GRIN1: variants seen among roughly 807,000 people sequenced by gnomAD.
GRIN1 encodes glutamate ionotropic receptor NMDA type subunit 1.
A neutral mutation model predicts 103.0 loss-of-function variants in GRIN1; 38 were observed. The observed-to-expected ratio is 0.37, with a 90% CI of 0.28 to 0.48. The LOEUF is 0.48. Among genes scored for constraint, GRIN1 ranks in the 20% least tolerant of loss-of-function variants. The probability of loss-of-function intolerance (pLI) is 0.98; values close to 1 mark genes in which losing one functional copy is unlikely to be tolerated. For synonymous variants in GRIN1, 544 were observed against 532.7 expected (o/e 1.02, Z -0.29); for missense variants, 577 against 1,288.9 (o/e 0.45, Z 8.46).
chr9:137,165,350 G>T, intron 19 of GRIN1, 54 bp downstream of exon 19: 2 of 1,102,702 alleles, frequency 1.8e-6, no homozygotes, highest in Non-Finnish European at 1.4e-6. Context: ...CCTGCCCTGC[G>T]TGTGTCTCCC....
chr9:137,157,484 C>G (rs1450045855), intron 6 of GRIN1, among the ~76,000 whole-genome samples: 1 of 152,170 alleles, frequency 6.6e-6, no homozygotes, highest in Non-Finnish European at 1.5e-5. Context: ...TGCAGCCCAC[C>G]CTGAAACAGC....
chr9:137,149,026 G>A lies in GRIN1; in HGVS notation c.588G>A (p.Gln196=), dbSNP rs75484994. The change falls in exon 4 of 20, where the codon CAG becomes CAA. Residue 196 remains glutamine (Q), a synonymous_variant. Transcript: ENST00000371561. ...CACCGCAGGCAGAGAAGGTGCTGCA[G>A]TTTGACCCAGGGACCAAGAACGTGA... The part of the protein sequence containing the change: ...ERESKAEKVL[Q]FDPGTKNVTA... 1.9e-6 allele frequency: 3 copies of A among 1,613,140 alleles called. No individual in the cohort carries two copies. In the South Asian group the frequency reaches 3.3e-5, roughly 18 times the overall value.
chr9:137,155,141 G>A (rs1833144005), intron 4 of GRIN1, among the ~76,000 whole-genome samples: 1 of 152,220 alleles, frequency 6.6e-6, no homozygotes, highest in Admixed American at 6.5e-5. Flanking sequence ...AGTTTTGATG[G>A]ACAGATCAGG....
intron 3 of GRIN1, among the ~76,000 whole-genome samples, chr9:137,147,454 GC>G (rs1564347178): frequency 6.6e-6 from 1 of 150,492 alleles, no homozygotes; most frequent in Admixed American, 6.6e-5. Flanking sequence ...ACATGCACAC[GC>G]ACACACATGC....
In GRIN1 at chr9:137,144,286, C is replaced by A. The variant is rs756913158; in HGVS notation, c.394-1440C>A. On this transcript the variant is annotated intron_variant, in intron 2 of 19. Coordinates refer to ENST00000371561, the MANE Select transcript of GRIN1 (RefSeq NM_007327.4). ...GAGAGGCCGGGGTGGGAGAGAGGTT[C>A]CCAGGGTCTAAAAAGTGTCCCCAGG... Among the ~76,000 whole-genome samples the A allele has an allele frequency of 2.7e-4, 41 of 151,858 alleles. 1 individual carries two copies. The highest frequency in any genetic ancestry group is 4.9e-4 in the Non-Finnish European group (33 of 67,974).
chr9:137,157,765 C>T (rs530326796), intron 6 of GRIN1, among the ~76,000 whole-genome samples: 4 of 152,384 alleles, frequency 2.6e-5, no homozygotes, highest in Admixed American at 6.5e-5. Flanking sequence ...CCATCCACAA[C>T]GCCCACATAA....
intron 4 of GRIN1, among the ~76,000 whole-genome samples, chr9:137,150,908 C>A (rs1321914232): frequency 2.7e-5 from 4 of 147,550 alleles, no homozygotes; most frequent in African/African-American, 1.0e-4. Context: ...AGATAAAAGC[C>A]CTGCCCAGCG....
chr9:137,161,209 G>C lies in GRIN1; in HGVS notation c.1339+12G>C, dbSNP rs762183167. ...GTCGCCGGGCAGCCGTGAGTGCGCGGGGCAGGGCGCGGGGCGCGGGGCAGG... is the reference window on the plus strand; with the variant it reads ...GTCGCCGGGCAGCCGTGAGTGCGCGCGGCAGGGCGCGGGGCGCGGGGCAGG... On this transcript the variant is annotated intron_variant, in intron 9 of 19. Coordinates refer to ENST00000371561, the MANE Select transcript of GRIN1 (RefSeq NM_007327.4). 3.7e-6 allele frequency: 6 copies of C among 1,606,566 alleles called. No individual in the cohort carries two copies. The African/African-American group carries it at 8.0e-5, about 22-fold the overall frequency.
chr9:137,153,938 A>C (rs977366812), intron 4 of GRIN1, among the ~76,000 whole-genome samples: 2 of 151,914 alleles, frequency 1.3e-5, no homozygotes, highest in African/African-American at 4.8e-5. Flanking sequence ...CAGCCTCCTG[A>C]GTAGCAGGAA....
rs367543114 is a variant in GRIN1 at position 137,162,592 on chromosome 9, C to A, written c.1866C>A (p.Gly622=). 6 of 1,611,860 alleles carry A rather than the reference C, an allele frequency of 3.7e-6. No homozygotes were observed. The African/African-American group carries it at 6.7e-5, about 18-fold the overall frequency. The change falls in exon 14 of 20, where the codon GGC becomes GGA. Residue 622 remains glycine, a splice_region_variant and synonymous_variant. Transcript: ENST00000371561. The part of the protein sequence containing the change: ...GVLLNSGIGE[G]APRSFSARIL... ...ACAGAGCCCCCCGCCCGCCCACAGG[C>A]GCCCCCAGAAGCTTCTCAGCGCGCA...
chr9:137,166,736 C>T (rs1333809241), intron 19 of GRIN1, among the ~76,000 whole-genome samples: 1 of 152,240 alleles, frequency 6.6e-6, no homozygotes, highest in African/African-American at 2.4e-5. Flanking sequence ...GGTGGAAGCA[C>T]CATTCCTGGA....
chr9:137,149,132 A>G, intron 4 of GRIN1, 23 bp downstream of exon 4: 1 of 1,453,324 alleles, frequency 6.9e-7, no homozygotes, highest in Non-Finnish European at 9.6e-7. Context: ...AGGGCCCTAC[A>G]CACTCCACAC....
intron 19 of GRIN1, among the ~76,000 whole-genome samples, 163 bp from the exon 20 acceptor site, chr9:137,167,248 G>C (rs1281717035): frequency 6.6e-6 from 1 of 152,154 alleles, no homozygotes; most frequent in Non-Finnish European, 1.5e-5. Flanking sequence ...AGGGAGGCGT[G>C]GGTGGGGGGC....
intron 2 of GRIN1, among the ~76,000 whole-genome samples, chr9:137,144,397 G>GTCTA (rs1429398884): frequency 2.0e-5 from 3 of 151,676 alleles, no homozygotes; most frequent in African/African-American, 7.3e-5. Context: ...GCTCACGCCT[G>GTCTA]TAATCCCAGC....
In GRIN1 at chr9:137,147,268, C is replaced by T. The variant is rs187118746; in HGVS notation, c.570+1366C>T. Among the ~76,000 whole-genome samples, 171 of 152,132 alleles carry T rather than the reference C, an allele frequency of 1.1e-3. 7 individuals are homozygous for T. In the East Asian group the frequency reaches 0.028, roughly 25 times the overall value. ...CCAGCGCCACACACACACCTGGACACGTACTCAGGTGCGCTCCTCACACAC... is the reference window on the plus strand; with the variant it reads ...CCAGCGCCACACACACACCTGGACATGTACTCAGGTGCGCTCCTCACACAC... On this transcript the variant is annotated intron_variant, in intron 3 of 19. Transcript: ENST00000371561.
intron 8 of GRIN1, among the ~76,000 whole-genome samples, chr9:137,160,248 G>C (rs1363231855): frequency 1.3e-5 from 2 of 152,226 alleles, no homozygotes; most frequent in East Asian, 3.9e-4. Context: ...GGGATGAAGG[G>C]AGGCACGGGT....
intron 4 of GRIN1, among the ~76,000 whole-genome samples, chr9:137,151,777 T>C (rs955178290): frequency 2.6e-5 from 4 of 152,206 alleles, no homozygotes; most frequent in Non-Finnish European, 5.9e-5. Flanking sequence ...GCGATTCTCC[T>C]GCCTCAGCCT....
At chr9:137,144,644 A>C (rs1588691712) in intron 2 of GRIN1, among the ~76,000 whole-genome samples, 1 of 131,186 alleles carries the variant, frequency 7.6e-6, no homozygotes, top group Admixed American at 7.7e-5. Context: ...GAGACTGTTT[A>C]AAAAAAAAAA....
At chr9:137,162,539 T>G (rs1440330202) in intron 13 of GRIN1, 23 bp downstream of exon 13, 2 of 1,610,600 alleles carry the variant, frequency 1.2e-6, no homozygotes, top group Admixed American at 1.7e-5. Flanking sequence ...CCGGCCCGCC[T>G]GGTCCCGCCT....
Sources: gnomAD v4.1 joint callset for allele counts (sites outside exome capture counted in the v4.1 genomes callset) on GRCh38, gnomAD v4.1.1 for gene constraint, MANE v1.5 for transcripts, NCBI Gene and HGNC (gene_info 2026-07-23, HGNC 2026-07-21) for gene names.